Variants in RASGEF1A observed in about 807,000 individuals in gnomAD.
RASGEF1A encodes the protein RasGEF domain family member 1A.
In RASGEF1A, 18 loss-of-function variants were observed where a neutral mutation model predicts 56.4. The ratio of observed to expected loss-of-function variants is 0.32; its 90% CI spans 0.22 to 0.47. RASGEF1A has a LOEUF of 0.47. RASGEF1A is among the 20% of genes least tolerant of loss of function. The pLI is 1.00. For synonymous variants in RASGEF1A, 245 were observed against 242.6 expected, an observed-to-expected ratio of 1.01 and a Z score of -0.09; for missense variants, 422 against 627.1, an observed-to-expected ratio of 0.67 and a Z score of 3.49.
At chr10:43,208,194 T>G in intron 1 of RASGEF1A, 1 of 985,440 alleles carries the variant, frequency 1.0e-6, no homozygotes, top group South Asian at 4.7e-5. Flanking sequence ...GGTGGTAACC[T>G]TGGTCAGTTG....
chr10:43,198,783 C>T (rs1839841894), intron 9 of RASGEF1A, 150 bp downstream of exon 9: 7 of 746,706 alleles, frequency 9.4e-6, no homozygotes, highest in South Asian at 3.1e-5. Flanking sequence ...TGCTGGAGGA[C>T]GAACATGCCA....
intron 1 of RASGEF1A, among the ~76,000 whole-genome samples, chr10:43,219,617 C>T (rs1296936986): frequency 1.3e-5 from 2 of 152,182 alleles, no homozygotes; most frequent in East Asian, 1.9e-4. Flanking sequence ...GAGTCAGCCC[C>T]GAAGCAGCAG....
At chr10:43,238,402 G>A (rs546603098) in intron 1 of RASGEF1A, among the ~76,000 whole-genome samples, 21 of 152,334 alleles carry the variant, frequency 1.4e-4, no homozygotes, top group Admixed American at 1.4e-3. Context: ...GCTGCTCAGT[G>A]TACTTCACCG....
intron 1 of RASGEF1A, among the ~76,000 whole-genome samples, chr10:43,252,195 G>C (rs142527458): frequency 6.6e-6 from 1 of 152,190 alleles, no homozygotes; most frequent in South Asian, 2.1e-4. Flanking sequence ...GTGTGTGCAC[G>C]GTACTGCCAC....
At chr10:43,228,432 G>A (rs562568690) in intron 1 of RASGEF1A, among the ~76,000 whole-genome samples, 17 of 152,316 alleles carry the variant, frequency 1.1e-4, no homozygotes, top group African/African-American at 2.9e-4. Context: ...GGGTGGGGCC[G>A]TGGGGTCCAC....
At position 43,206,091 on chromosome 10, in the gene RASGEF1A, G is replaced by A. The variant is rs1204915894; in HGVS notation, c.26C>T (p.Ser9Phe). 1 of 1,598,478 alleles carries A rather than the reference G, an allele frequency of 6.3e-7. No individual in the cohort carries two copies. Among genetic ancestry groups the A allele is most frequent in the South Asian group, 1.1e-5 (1 of 88,896 alleles). ...GCTACAGCTGGGCCCAAGGATGCTGGAGAAGACAACGGACGTCTGGGGCAT... is the reference window on the plus strand; with the variant it reads ...GCTACAGCTGGGCCCAAGGATGCTGAAGAAGACAACGGACGTCTGGGGCAT... MPQTSVVFSSILGPSCSGQ... is the reference protein window; with the variant it reads MPQTSVVFFSILGPSCSGQ... The change falls in exon 2 of 13, where the codon TCC (serine) becomes TTC (phenylalanine). Residue 9 changes from serine (S) to phenylalanine (F), a missense_variant. By Grantham distance (155) the Ser-to-Phe change is radical. Transcript: ENST00000395810.
chr10:43,203,676 C>G lies in RASGEF1A; in HGVS notation c.199-256G>C. 1.2e-5 allele frequency: 14 copies of G among 1,190,368 alleles called. No individual in the cohort carries two copies. In the Admixed American group the frequency reaches 1.7e-4, roughly 14 times the overall value. 73.7% of individuals were successfully genotyped at this position (1,190,368 alleles called of 1,614,324 possible). The stretch of plus-strand genomic sequence containing the variant: ...CCCAGGCCTCCTAGCAGTCTTCCTC[C>G]GCTGGGATTCTCCCCCTCTCTGCCC... On this transcript the variant is annotated intron_variant, in intron 2 of 12. Coordinates refer to ENST00000395810, the MANE Select transcript of RASGEF1A (RefSeq NM_145313.4).
chr10:43,248,364 TAAA>T (rs34561814), intron 1 of RASGEF1A, among the ~76,000 whole-genome samples: 53 of 111,374 alleles, frequency 4.8e-4, no homozygotes, highest in African/African-American at 8.2e-4. Context: ...ACTCGGTCTT[TAAA>T]AAAAAAAAAA....
intron 1 of RASGEF1A, chr10:43,207,323 C>T (rs1840009495): frequency 1.0e-6 from 1 of 984,806 alleles, no homozygotes; most frequent in Non-Finnish European, 1.2e-6. Context: ...CATGACAGGA[C>T]CGTGGGCCTC....
At chr10:43,245,512 T>C (rs568509653) in intron 1 of RASGEF1A, among the ~76,000 whole-genome samples, 2 of 152,206 alleles carry the variant, frequency 1.3e-5, no homozygotes, top group African/African-American at 4.8e-5. Flanking sequence ...TCCATAAATG[T>C]AGATGCAAAA....
chr10:43,212,520 G>A (rs1052604133), intron 1 of RASGEF1A, among the ~76,000 whole-genome samples: 1 of 152,222 alleles, frequency 6.6e-6, no homozygotes, highest in Non-Finnish European at 1.5e-5. Context: ...TTGGTGGTCG[G>A]CCTGGGGCAG....
intron 1 of RASGEF1A, among the ~76,000 whole-genome samples, chr10:43,253,352 G>A (rs2460556): frequency 1.3e-5 from 2 of 152,082 alleles, no homozygotes. Flanking sequence ...GCTCTCAAGA[G>A]TGGGTATGGC....
At chr10:43,252,382 GGGCCT>G (rs1564543533) in intron 1 of RASGEF1A, among the ~76,000 whole-genome samples, 1 of 152,158 alleles carries the variant, frequency 6.6e-6, no homozygotes, top group Non-Finnish European at 1.5e-5. Context: ...CAGGAGTCAA[GGGCCT>G]GGCCAGGCAC....
At chr10:43,237,547 C>T (rs1840447200) in intron 1 of RASGEF1A, among the ~76,000 whole-genome samples, 1 of 151,598 alleles carries the variant, frequency 6.6e-6, no homozygotes. Flanking sequence ...GCCTCCCAAC[C>T]TCTCTTTTCT....
At chr10:43,203,229 C>T in intron 3 of RASGEF1A, 69 bp downstream of exon 3, 1 of 1,489,708 alleles carries the variant, frequency 6.7e-7, no homozygotes, top group Non-Finnish European at 9.1e-7. Flanking sequence ...CCCATGCCTC[C>T]AGCCCCTAGC....
chr10:43,209,687 C>G (rs1289326644), intron 1 of RASGEF1A, among the ~76,000 whole-genome samples: 1 of 142,956 alleles, frequency 7.0e-6, no homozygotes, highest in Non-Finnish European at 1.6e-5. Context: ...AGGAAGCCCC[C>G]CCACCAGGGC....
intron 1 of RASGEF1A, among the ~76,000 whole-genome samples, chr10:43,256,387 G>A (rs1406999139): frequency 3.9e-5 from 6 of 152,224 alleles, no homozygotes; most frequent in African/African-American, 1.2e-4. Flanking sequence ...TGGGACAAGG[G>A]CTGAGCGGCT....
At chr10:43,224,417 G>A (rs1177919290) in intron 1 of RASGEF1A, among the ~76,000 whole-genome samples, 1 of 152,198 alleles carries the variant, frequency 6.6e-6, no homozygotes, top group African/African-American at 2.4e-5. Context: ...AATAGAGCCT[G>A]ACCCAGTGGG....
intron 3 of RASGEF1A, chr10:43,202,590 G>T (rs1839918035): frequency 1.5e-5 from 7 of 463,636 alleles, no homozygotes; most frequent in Non-Finnish European, 2.6e-5. Context: ...TCCTGCGCCA[G>T]CCAAGACTCC....
Sources: gnomAD v4.1 joint callset for allele counts (sites outside exome capture counted in the v4.1 genomes callset) on GRCh38, gnomAD v4.1.1 for gene constraint, MANE v1.5 for transcripts, NCBI Gene and HGNC (gene_info 2026-07-23, HGNC 2026-07-21) for gene names.